Variants in PTPRF observed in about 807,000 individuals in gnomAD.
The protein encoded by PTPRF is receptor-type tyrosine-protein phosphatase F.
A neutral mutation model predicts 201.8 loss-of-function variants in PTPRF; 59 were observed. The ratio of observed to expected loss-of-function variants is 0.29; its 90% CI spans 0.24 to 0.36. PTPRF has a LOEUF of 0.36. Ranked by LOEUF, PTPRF falls within the 10% of genes least tolerant of loss-of-function variation. The pLI, the probability that PTPRF is intolerant of heterozygous loss-of-function variation, is 1.00. For synonymous variants in PTPRF, 1,088 were observed against 1,089.7 expected, an observed-to-expected ratio of 1.00 and a Z score of 0.03; for missense variants, 2,132 against 2,690.5, an observed-to-expected ratio of 0.79 and a Z score of 4.59.
At chr1:43,573,681 C>T (rs1387510572) in intron 6 of PTPRF, among the ~76,000 whole-genome samples, 2 of 152,254 alleles carry the variant, frequency 1.3e-5, no homozygotes, top group African/African-American at 4.8e-5. Flanking sequence ...CACGAATACA[C>T]CCCTAAGGAT....
intron 2 of PTPRF, among the ~76,000 whole-genome samples, chr1:43,539,679 G>A (rs1213309534): frequency 2.0e-5 from 3 of 152,170 alleles, no homozygotes; most frequent in Non-Finnish European, 2.9e-5. Flanking sequence ...GAGGGTGGGT[G>A]TAGGGACACT....
At chr1:43,596,951 G>A (rs949942003) in intron 11 of PTPRF, among the ~76,000 whole-genome samples, 10 of 152,106 alleles carry the variant, frequency 6.6e-5, no homozygotes, top group African/African-American at 2.2e-4. Context: ...GTGATACTCT[G>A]TGTATATGTG....
Position 43,603,988 on chromosome 1 carries a change from G to A in PTPRF, c.2836G>A (p.Gly946Arg), listed in dbSNP as rs1439775308. Reference protein sequence around the residue: ...WDPPVLAERNGRIISYTVVFR... With the variant: ...WDPPVLAERNRRIISYTVVFR... ...CCCGCCAGTGCTGGCGGAGAGGAAC[G>A]GGCGCATCATCAGCTACACCGTGGT... is the stretch of plus-strand genomic sequence containing the variant. Residue 946 changes from glycine to arginine, a missense_variant, in exon 16 of 34, where the codon GGG becomes AGG. Gly to Arg is a moderately radical substitution (Grantham distance 125, BLOSUM62 -2). Coordinates refer to ENST00000359947, the MANE Select transcript of PTPRF (RefSeq NM_002840.5). This position sits in a 1 kb window ranked among gnomAD's most constrained non-coding sequence, Gnocchi z 5.8. 1.5e-5 allele frequency: 24 copies of A among 1,614,060 alleles called. No individual in the cohort carries two copies. The highest frequency in any genetic ancestry group is 1.9e-5 in the Non-Finnish European group (23 of 1,180,044).
intron 11 of PTPRF, among the ~76,000 whole-genome samples, chr1:43,597,217 GTGTATATGACAC>G (rs1321947069): frequency 6.6e-6 from 1 of 152,132 alleles, no homozygotes; most frequent in Non-Finnish European, 1.5e-5. Flanking sequence ...GTATGAGACA[GTGTATATGACAC>G]TGTATATGTG....
chr1:43,551,931 A>T (rs1569758303), intron 3 of PTPRF, among the ~76,000 whole-genome samples: 1 of 152,040 alleles, frequency 6.6e-6, no homozygotes, highest in East Asian at 1.9e-4. Flanking sequence ...TGGAGTTCTC[A>T]AAAGTTCCTT....
rs780752025 is a variant in PTPRF, at chr1:43,604,205, A to G, written c.3037+16A>G. 2.8e-5 allele frequency: 45 copies of G among 1,608,266 alleles called. No individual in the cohort carries two copies. Among genetic ancestry groups the G allele is most frequent in the African/African-American group, 2.3e-4 (17 of 74,844 alleles). On this transcript the variant is annotated intron_variant, in intron 16 of 33. Transcript: ENST00000359947. ...GTGGAGCAAGGTGTGTGCTGTGGAC[A>G]TGGCATCCCTTCCCGAGTGTGGCTG...
intron 22 of PTPRF, chr1:43,613,151 GTACTTC>G: frequency 1.6e-5 from 5 of 321,502 alleles, no homozygotes; most frequent in South Asian, 5.3e-5. Flanking sequence ...TATTGTGTCT[GTACTTC>G]ATGACCACTC....
At chr1:43,562,232 C>T (rs1254509242) in intron 5 of PTPRF, among the ~76,000 whole-genome samples, 1 of 152,094 alleles carries the variant, frequency 6.6e-6, no homozygotes, top group Admixed American at 6.6e-5. Flanking sequence ...CCTCAGCCTT[C>T]CGAGCAGCTG....
rs573716128 is a variant in PTPRF at position 43,606,672 on chromosome 1, T to C, written c.3703-142T>C. 193 of 1,261,140 alleles carry C rather than the reference T, an allele frequency of 1.5e-4. 1 individual carries two copies. Among genetic ancestry groups the C allele is most frequent in the Non-Finnish European group, 1.4e-4 (127 of 912,336 alleles). 78.1% of individuals were successfully genotyped at this position (1,261,140 alleles called of 1,614,324 possible). Reference sequence around the variant, plus strand: ...ACCTAATGTGGCTCCAGGGACCCAGTCCTGCCAGGTCCACCTTGTAGGGTC... The same window carrying C: ...ACCTAATGTGGCTCCAGGGACCCAGCCCTGCCAGGTCCACCTTGTAGGGTC... On this transcript the variant is annotated intron_variant, in intron 20 of 33. Transcript: ENST00000359947.
At chr1:43,594,645 A>T (rs1651799484) in intron 11 of PTPRF, among the ~76,000 whole-genome samples, 2 of 152,114 alleles carry the variant, frequency 1.3e-5, no homozygotes, top group South Asian at 4.1e-4. Context: ...GACTGGTCAG[A>T]CTTGGTAATG....
chr1:43,583,863 T>C (rs1464509941), intron 7 of PTPRF, among the ~76,000 whole-genome samples: 1 of 152,164 alleles, frequency 6.6e-6, no homozygotes, highest in Non-Finnish European at 1.5e-5. Flanking sequence ...CCGTGTCTGT[T>C]TGAGGGTGGA....
At chr1:43,597,593 G>A (rs1391097139) in intron 11 of PTPRF, among the ~76,000 whole-genome samples, 155 bp from the exon 12 acceptor site, 2 of 152,130 alleles carry the variant, frequency 1.3e-5, no homozygotes, top group African/African-American at 4.8e-5. Context: ...CTTGGCGAGA[G>A]TGGCAGCAGC....
intron 21 of PTPRF, among the ~76,000 whole-genome samples, chr1:43,607,441 A>G (rs1655390962): frequency 6.6e-6 from 1 of 152,144 alleles, no homozygotes; most frequent in South Asian, 2.1e-4. Context: ...GACATGACTG[A>G]TGGCCTGCTG....
chr1:43,605,083 T>A, intron 17 of PTPRF, 83 bp downstream of exon 17: 1 of 1,580,352 alleles, frequency 6.3e-7, no homozygotes, highest in Non-Finnish European at 8.6e-7. Flanking sequence ...CCCATGTGCA[T>A]CCGGCTGTGG....
Position 43,600,490 on chromosome 1 carries a change from C to T in PTPRF, c.2313+1577C>T, listed in dbSNP as rs1258194057. On this transcript the variant is annotated intron_variant, in intron 13 of 33. Coordinates refer to ENST00000359947, the MANE Select transcript of PTPRF (RefSeq NM_002840.5). The stretch of plus-strand genomic sequence containing the variant: ...CCTCTCAGGACTGGGTCATTCTGTT[C>T]CTCGCCAGTGGGAGAGCAGTGGGGC... Among the ~76,000 whole-genome samples the T allele has an allele frequency of 6.6e-5, 10 of 150,958 alleles. 1 individual carries two copies. Among genetic ancestry groups the T allele is most frequent in the Admixed American group, 6.6e-4 (10 of 15,262 alleles).
At chr1:43,611,043 A>G (rs1253288134) in intron 22 of PTPRF, among the ~76,000 whole-genome samples, 2 of 152,168 alleles carry the variant, frequency 1.3e-5, no homozygotes, top group African/African-American at 2.4e-5. Flanking sequence ...AAGTTTGCCA[A>G]CCCCTGGACT....
At chr1:43,610,427 G>A (rs1254255657) in intron 22 of PTPRF, among the ~76,000 whole-genome samples, 1 of 152,228 alleles carries the variant, frequency 6.6e-6, no homozygotes, top group Non-Finnish European at 1.5e-5. Flanking sequence ...TGTGAGGCAG[G>A]AATTCAGACA....
chr1:43,600,020 CACAG>C (rs1040566486), intron 13 of PTPRF, among the ~76,000 whole-genome samples: 1 of 152,224 alleles, frequency 6.6e-6, no homozygotes, highest in African/African-American at 2.4e-5. Context: ...GGGTCACCCA[CACAG>C]ACAGGAGCCT....
intron 3 of PTPRF, among the ~76,000 whole-genome samples, chr1:43,550,400 C>A: frequency 6.6e-6 from 1 of 152,352 alleles, no homozygotes; most frequent in Admixed American, 6.5e-5. Context: ...CCGGTTCAGC[C>A]GGTTCCAGCC....
Sources: allele counts gnomAD v4.1 joint callset (sites outside exome capture counted in the v4.1 genomes callset), GRCh38; gene constraint gnomAD v4.1.1; non-coding constraint Gnocchi (gnomAD v3.1); transcripts MANE v1.5; gene names NCBI Gene and HGNC (gene_info 2026-07-23, HGNC 2026-07-21).